WDR49: variants seen among roughly 807,000 people sequenced by gnomAD.
WDR49 encodes WD repeat domain 49.
WDR49 carries 107 observed loss-of-function variants against 119.5 expected under a neutral mutation model. The observed-to-expected ratio is 0.90, with a 90% CI of 0.77 to 1.05. The LOEUF is 1.05. Among genes scored for constraint, WDR49 ranks in the 50% least tolerant of loss-of-function variants. The pLI is 0.00. For synonymous variants in WDR49, 425 were observed against 418.8 expected, an observed-to-expected ratio of 1.01 and a Z score of -0.18; for missense variants, 1,240 against 1,220.5, an observed-to-expected ratio of 1.02 and a Z score of -0.24.
At chr3:167,502,773 G>A (rs761102928) in intron 17 of WDR49, among the ~76,000 whole-genome samples, 27 of 152,086 alleles carry the variant, frequency 1.8e-4, no homozygotes, top group Non-Finnish European at 3.1e-4. Context: ...GCTTCTAATA[G>A]CCTAGCTTAG....
intron 4 of WDR49, among the ~76,000 whole-genome samples, 152 bp from the exon 5 acceptor site, chr3:167,620,755 CAG>C (rs1390163350): frequency 6.6e-6 from 1 of 152,078 alleles, no homozygotes; most frequent in East Asian, 1.9e-4. Context: ...TACTAAAAAA[CAG>C]AACAATTATT....
At chr3:167,498,971 G>T (rs1304367047) in intron 18 of WDR49, among the ~76,000 whole-genome samples, 1 of 152,146 alleles carries the variant, frequency 6.6e-6, no homozygotes, top group African/African-American at 2.4e-5. Context: ...GCATATTTTG[G>T]AGTATCATTT....
At chr3:167,531,019 C>T (rs1043932535) in intron 13 of WDR49, 96 bp downstream of exon 13, 168 of 1,281,140 alleles carry the variant, frequency 1.3e-4, no homozygotes, top group Admixed American at 4.9e-4. Context: ...TGGTTAGCTA[C>T]GTGCAGTCAA....
chr3:167,563,631 T>A (rs925811380), intron 8 of WDR49, among the ~76,000 whole-genome samples: 1 of 152,222 alleles, frequency 6.6e-6, no homozygotes, highest in African/African-American at 2.4e-5. Flanking sequence ...AATTGACGCA[T>A]AATAACTACA....
chr3:167,528,006 AAGAC>A lies in WDR49; in HGVS notation c.2414_2417del (p.Cys805LeufsTer14), dbSNP rs1234957990. The stretch of plus-strand genomic sequence containing the variant: ...TGGTGATTTTGTTCTTACTGGAGTT[AAGAC>A]AGTACTCCTGAATGAAAAGAAATAC... On this transcript the variant is annotated frameshift_variant, in exon 15 of 19. Transcript: ENST00000682715. LOFTEE classifies it high-confidence loss of function. 1.9e-6 allele frequency: 3 copies of A among 1,612,440 alleles called. No individual in the cohort carries two copies. In the South Asian group the frequency reaches 3.3e-5, roughly 18 times the overall value.
At chr3:167,621,928 T>A (rs943863154) in intron 3 of WDR49, among the ~76,000 whole-genome samples, 1 of 152,044 alleles carries the variant, frequency 6.6e-6, no homozygotes, top group African/African-American at 2.4e-5. Context: ...AGACCACTAA[T>A]CACACAGGAG....
chr3:167,614,280 G>T (rs1189522635), intron 5 of WDR49, among the ~76,000 whole-genome samples: 1 of 152,004 alleles, frequency 6.6e-6, no homozygotes, highest in African/African-American at 2.4e-5. Context: ...TTTATTGTTA[G>T]TAGAGACATG....
intron 7 of WDR49, among the ~76,000 whole-genome samples, chr3:167,598,103 G>A (rs1386200399): frequency 2.6e-5 from 4 of 151,990 alleles, no homozygotes; most frequent in African/African-American, 4.8e-5. Flanking sequence ...ACAGGAGATC[G>A]AGACCATCTT....
At chr3:167,523,894 T>A (rs1326824291) in intron 15 of WDR49, among the ~76,000 whole-genome samples, 1 of 152,186 alleles carries the variant, frequency 6.6e-6, no homozygotes, top group Non-Finnish European at 1.5e-5. Context: ...TGATTTATAA[T>A]CCACTGAGTA....
intron 7 of WDR49, among the ~76,000 whole-genome samples, chr3:167,585,675 C>G (rs575630688): frequency 3.6e-4 from 54 of 151,714 alleles, no homozygotes; most frequent in African/African-American, 1.2e-3. Context: ...AAATACTACC[C>G]TGTATTTGTT....
chr3:167,489,897 AT>A (rs1265574845), intron 18 of WDR49, among the ~76,000 whole-genome samples: 1 of 152,100 alleles, frequency 6.6e-6, no homozygotes, highest in Admixed American at 6.6e-5. Context: ...ACAAATTCTT[AT>A]TTATCAAACT....
intron 7 of WDR49, among the ~76,000 whole-genome samples, chr3:167,585,266 A>T (rs1714745973): frequency 1.3e-5 from 2 of 152,258 alleles, no homozygotes; most frequent in South Asian, 4.1e-4. Context: ...CCTGATGAGC[A>T]TGCCTATTGG....
At chr3:167,527,765 A>C in intron 15 of WDR49, 55 bp downstream of exon 15, 1 of 1,527,686 alleles carries the variant, frequency 6.5e-7, no homozygotes. Context: ...AATCAGCCCA[A>C]GTTAATACTA....
chr3:167,500,397 T>C, intron 17 of WDR49, 98 bp from the exon 18 acceptor site: 1 of 1,446,396 alleles, frequency 6.9e-7, no homozygotes, highest in Non-Finnish European at 9.3e-7. Flanking sequence ...TTAACTTTTA[T>C]AAATTTAACC....
At chr3:167,572,407 G>A (rs1713984034) in intron 8 of WDR49, among the ~76,000 whole-genome samples, 1 of 152,136 alleles carries the variant, frequency 6.6e-6, no homozygotes, top group Non-Finnish European at 1.5e-5. Context: ...CAAATACAAG[G>A]AAATAATAAA....
At chr3:167,543,027 A>C (rs965211721) in intron 10 of WDR49, among the ~76,000 whole-genome samples, 28 of 152,076 alleles carry the variant, frequency 1.8e-4, no homozygotes, top group Non-Finnish European at 5.9e-5. Flanking sequence ...TTATGCATAC[A>C]AACTGGACAA....
At chr3:167,590,183 C>T (rs1310583986) in intron 7 of WDR49, among the ~76,000 whole-genome samples, 1 of 151,982 alleles carries the variant, frequency 6.6e-6, no homozygotes, top group Non-Finnish European at 1.5e-5. Context: ...TCCTTCATTC[C>T]ATTGACATCA....
intron 8 of WDR49, among the ~76,000 whole-genome samples, chr3:167,560,483 T>C (rs943344694): frequency 5.9e-5 from 9 of 152,192 alleles, no homozygotes; most frequent in African/African-American, 2.2e-4. Context: ...AGCTTTAGTG[T>C]CTAGAGGCCA....
chr3:167,487,430 A>G (rs1750968808), intron 18 of WDR49, among the ~76,000 whole-genome samples: 1 of 152,150 alleles, frequency 6.6e-6, no homozygotes, highest in Non-Finnish European at 1.5e-5. Context: ...AAAATTCTGG[A>G]AGAAAATCTA....
Sources: gnomAD v4.1 joint callset for allele counts (sites outside exome capture counted in the v4.1 genomes callset) on GRCh38, gnomAD v4.1.1 for gene constraint, MANE v1.5 for transcripts, NCBI Gene and HGNC (gene_info 2026-07-23, HGNC 2026-07-21) for gene names.